The following TPR variants were observed in gnomAD, a reference collection of about 807,000 sequenced individuals.
TPR encodes nucleoprotein TPR.
A neutral mutation model predicts 316.1 loss-of-function variants in TPR; 51 were observed. The ratio of observed to expected loss-of-function variants is 0.16; its 90% CI spans 0.13 to 0.20. The LOEUF is 0.20. Ranked by LOEUF, TPR falls within the 10% of genes least tolerant of loss-of-function variation. The pLI is 1.00. For synonymous variants in TPR, 981 were observed against 914.7 expected, an observed-to-expected ratio of 1.07 and a Z score of -1.31; for missense variants, 2,272 against 2,754.8, an observed-to-expected ratio of 0.82 and a Z score of 3.92.
rs144654656 is a variant in TPR at position 186,349,575 on chromosome 1, G to C, written c.2776+648C>G. 1.5e-4 allele frequency among the ~76,000 whole-genome samples: 23 copies of C among 151,770 alleles called. No individual in the cohort carries two copies. The East Asian group carries it at 4.3e-3, about 28-fold the overall frequency. ...CTCGGGAGGCTGAGGCAGGAGAATG[G>C]TGTGAACCTGGAAGGCGGAGCTTGC... is the stretch of plus-strand genomic sequence containing the variant. On this transcript the variant is annotated intron_variant, in intron 21 of 50. Transcript: ENST00000367478.
At chr1:186,324,246 T>TAATAA (rs150625997) in intron 42 of TPR, among the ~76,000 whole-genome samples, 1 of 151,828 alleles carries the variant, frequency 6.6e-6, no homozygotes, top group East Asian at 1.9e-4. Flanking sequence ...AGTAAACATT[T>TAATAA]AATAAAATAA....
intron 40 of TPR, among the ~76,000 whole-genome samples, chr1:186,327,003 T>TA (rs1394930092): frequency 3.3e-4 from 30 of 91,848 alleles, no homozygotes; most frequent in Middle Eastern, 5.0e-3. Context: ...ATATAATATA[T>TA]TAAATATATA....
At position 186,332,275 on chromosome 1, in the gene TPR, C is replaced by G. The variant is rs892272877; in HGVS notation, c.5524G>C (p.Ala1842Pro). The G allele has an allele frequency of 6.2e-7, 1 of 1,612,818 alleles. No individual in the cohort carries two copies. The highest frequency in any genetic ancestry group is 8.5e-7 in the Non-Finnish European group (1 of 1,179,354). The change falls in exon 38 of 51, where the codon GCA (alanine) becomes CCA (proline). Residue 1842 changes from alanine (A) to proline (P), a missense_variant. By Grantham distance (27) the Ala-to-Pro change is conservative. Transcript: ENST00000367478. Reference protein sequence around the residue: ...REEEEDSTIEASDQVSDDTVE... With the variant: ...REEEEDSTIEPSDQVSDDTVE... Reference sequence around the variant, plus strand: ...GTATCATCAGAGACTTGGTCTGATGCTTCTATGGTGCTATCCTCTTCCTCT... The same window carrying G: ...GTATCATCAGAGACTTGGTCTGATGGTTCTATGGTGCTATCCTCTTCCTCT...
chr1:186,357,282 A>T, intron 14 of TPR, 115 bp downstream of exon 14: 1 of 999,004 alleles, frequency 1.0e-6, no homozygotes, highest in Non-Finnish European at 1.5e-6. Flanking sequence ...TCCTGGGCTC[A>T]AATGATACCC....
intron 27 of TPR, 133 bp from the exon 28 acceptor site, chr1:186,341,522 G>T: frequency 3.2e-6 from 3 of 938,212 alleles, no homozygotes; most frequent in Non-Finnish European, 4.5e-6. Flanking sequence ...TAAAATTTTT[G>T]AAAGTTCACG....
chr1:186,311,678 CAAA>C lies in TPR; in HGVS notation c.*2290_*2292del. The C allele has an allele frequency of 7.3e-7, 1 of 1,376,562 alleles. No homozygotes were observed. Among genetic ancestry groups the C allele is most frequent in the Non-Finnish European group, 1.0e-6 (1 of 972,620 alleles). 85.3% of individuals were successfully genotyped at this position (1,376,562 alleles called of 1,614,324 possible). On this transcript the variant is annotated 3_prime_UTR_variant, in exon 51 of 51. Transcript: ENST00000367478. ...TTTCATTTATTATTGACTTTACTGT[CAAA>C]AGATATCTTTAATGGCTGAAATCAA...
chr1:186,344,638 A>T, intron 24 of TPR, 60 bp from the exon 25 acceptor site: 1 of 1,330,222 alleles, frequency 7.5e-7, no homozygotes, highest in Non-Finnish European at 9.9e-7. Flanking sequence ...ACTAGTTAGC[A>T]CTTGTCCAAA....
At chr1:186,322,632 C>T in intron 43 of TPR, 46 bp from the exon 44 acceptor site, 1 of 1,590,098 alleles carries the variant, frequency 6.3e-7, no homozygotes, top group Non-Finnish European at 8.6e-7. Context: ...AGAAATGAGG[C>T]AATGAAACAA....
In TPR at chr1:186,326,146, A is replaced by T. The variant is rs778616683; in HGVS notation, c.5979T>A (p.Gly1993=). 6 of 1,611,308 alleles carry T rather than the reference A, an allele frequency of 3.7e-6. No homozygotes were observed. The Admixed American group carries it at 6.7e-5, about 18-fold the overall frequency. ...DEGEDSNEGT[G]SADGNDGYEA... ...CATAACCATCATTGCCATCGGCACTACCAGTTCCTTCATTACTATCTTCAC... is the reference window on the plus strand; with the variant it reads ...CATAACCATCATTGCCATCGGCACTTCCAGTTCCTTCATTACTATCTTCAC... Residue 1993 remains glycine (G), a synonymous_variant, in exon 41 of 51, where the codon GGT becomes GGA. Transcript: ENST00000367478.
intron 27 of TPR, 66 bp downstream of exon 27, chr1:186,343,260 T>C: frequency 2.0e-6 from 3 of 1,536,092 alleles, no homozygotes. Context: ...CGTTAAATGG[T>C]AGAGATATAA....
intron 7 of TPR, 68 bp from the exon 8 acceptor site, chr1:186,361,937 G>T: frequency 6.7e-7 from 1 of 1,483,254 alleles, no homozygotes; most frequent in Non-Finnish European, 9.1e-7. Flanking sequence ...CAAATGACAA[G>T]ATGAAAAATT....
intron 49 of TPR, among the ~76,000 whole-genome samples, chr1:186,315,712 G>A (rs1381180829): frequency 6.6e-6 from 1 of 151,492 alleles, no homozygotes; most frequent in Non-Finnish European, 1.5e-5. Context: ...CAATTACAAT[G>A]ATCTACTCGA....
At chr1:186,355,589 CTG>C (rs1399995870) in intron 16 of TPR, 31 bp from the exon 17 acceptor site, 2 of 1,613,508 alleles carry the variant, frequency 1.2e-6, no homozygotes, top group Admixed American at 1.7e-5. Flanking sequence ...GAAGGTAACA[CTG>C]TGTTCTCTAA....
At chr1:186,318,701 A>T (rs762964224) in intron 47 of TPR, 32 bp downstream of exon 47, 1 of 1,612,428 alleles carries the variant, frequency 6.2e-7, no homozygotes, top group South Asian at 1.1e-5. Context: ...TTACCAATAA[A>T]ACAGAACCTA....
At position 186,361,770 on chromosome 1, in the gene TPR, T is replaced by A; in HGVS notation, c.870+19A>T. Reference sequence around the variant, plus strand: ...ACAATGCAACATTTAGATACTAACATGTGTGGTGGGATATTTACCTTGTAC... The same window carrying A: ...ACAATGCAACATTTAGATACTAACAAGTGTGGTGGGATATTTACCTTGTAC... On this transcript the variant is annotated intron_variant, in intron 8 of 50. Coordinates refer to ENST00000367478, the MANE Select transcript of TPR (RefSeq NM_003292.3). 6.2e-7 allele frequency: 1 copy of A among 1,613,098 alleles called. No homozygotes were observed. Among genetic ancestry groups the A allele is most frequent in the Non-Finnish European group, 8.5e-7 (1 of 1,179,264 alleles).
At chr1:186,370,922 T>C in intron 3 of TPR, 48 bp downstream of exon 3, 1 of 1,494,514 alleles carries the variant, frequency 6.7e-7, no homozygotes, top group Non-Finnish European at 9.3e-7. Flanking sequence ...AGAATGTCCC[T>C]TCAAGTAAAA....
In TPR at chr1:186,313,654, T is replaced by TA; in HGVS notation, c.*316dup. The TA allele has an allele frequency of 7.1e-7, 1 of 1,412,820 alleles. No individual in the cohort carries two copies. The highest frequency in any genetic ancestry group is 1.0e-6 in the Non-Finnish European group (1 of 997,294). 87.5% of individuals were successfully genotyped at this position (1,412,820 alleles called of 1,614,324 possible). A position where few individuals can be genotyped will look rare whatever the true frequency, so the allele number is the denominator to read the frequency against. Reference sequence around the variant, plus strand: ...GTTTGGGCATTGTTTTCTTTTTAACTAAAAAAATGTTTTCTCTTCCATTTA... The same window carrying TA: ...GTTTGGGCATTGTTTTCTTTTTAACTAAAAAAAATGTTTTCTCTTCCATTTA... On this transcript the variant is annotated 3_prime_UTR_variant, in exon 51 of 51. Coordinates refer to ENST00000367478, the MANE Select transcript of TPR (RefSeq NM_003292.3).
intron 14 of TPR, among the ~76,000 whole-genome samples, chr1:186,357,018 T>C (rs1050006040): frequency 1.3e-5 from 2 of 152,164 alleles, no homozygotes; most frequent in Admixed American, 6.5e-5. Flanking sequence ...TATCACTATA[T>C]CCCAAGTATC....
chr1:186,346,758 T>C (rs748320264), intron 22 of TPR, among the ~76,000 whole-genome samples: 1 of 152,164 alleles, frequency 6.6e-6, no homozygotes, highest in Non-Finnish European at 1.5e-5. Flanking sequence ...AATCTGATTA[T>C]GACATGTTAA....
Sources: gnomAD v4.1 joint callset for allele counts (sites outside exome capture counted in the v4.1 genomes callset) on GRCh38, gnomAD v4.1.1 for gene constraint, MANE v1.5 for transcripts, NCBI Gene and HGNC (gene_info 2026-07-23, HGNC 2026-07-21) for gene names.